The following TOMM70 variants were observed in gnomAD, a reference collection of about 807,000 sequenced individuals.
TOMM70 encodes the protein mitochondrial import receptor subunit TOM70.
TOMM70 carries 13 observed loss-of-function variants against 73.6 expected under a neutral mutation model. That is an observed-to-expected ratio of 0.18 (90% CI 0.11 to 0.28). TOMM70 has a LOEUF of 0.28. Ranked by LOEUF, TOMM70 falls within the 10% of genes least tolerant of loss-of-function variation. The pLI is 1.00. For synonymous variants in TOMM70, 257 were observed against 271.2 expected (o/e 0.95, Z 0.51); for missense variants, 609 against 747.5 (o/e 0.81, Z 2.16).
intron 4 of TOMM70, among the ~76,000 whole-genome samples, 182 bp downstream of exon 4, chr3:100,384,297 T>C (rs938820161): frequency 2.0e-5 from 3 of 152,186 alleles, no homozygotes; most frequent in Admixed American, 2.0e-4. Context: ...GGACAGAGCA[T>C]ATATTCTTAC....
chr3:100,388,822 G>A (rs79748031), intron 1 of TOMM70, among the ~76,000 whole-genome samples: 22,794 of 152,052 alleles, frequency 0.15, 3,155 homozygotes, highest in East Asian at 0.49. Context: ...AATGAAAAAA[G>A]ATTATTACAA....
chr3:100,366,738 TC>T (rs1307885404), intron 11 of TOMM70, among the ~76,000 whole-genome samples: 1 of 152,226 alleles, frequency 6.6e-6, no homozygotes, highest in Non-Finnish European at 1.5e-5. Flanking sequence ...TGAACAAAAT[TC>T]CATCAAACCC....
chr3:100,399,967 G>A (rs1234456394), intron 1 of TOMM70, among the ~76,000 whole-genome samples: 1 of 152,054 alleles, frequency 6.6e-6, no homozygotes, highest in Non-Finnish European at 1.5e-5. Context: ...GCAGCCAAGG[G>A]GGCTTCGGGG....
intron 10 of TOMM70, 123 bp downstream of exon 10, chr3:100,368,915 C>T (rs1253418204): frequency 4.5e-6 from 3 of 661,176 alleles, no homozygotes; most frequent in Non-Finnish European, 7.8e-6. Flanking sequence ...CATCTAGGAG[C>T]ATTAAGAAGT....
chr3:100,386,730 T>G, intron 2 of TOMM70, 75 bp downstream of exon 2: 1 of 1,506,660 alleles, frequency 6.6e-7, no homozygotes, highest in South Asian at 1.3e-5. Flanking sequence ...TAGGTTTATT[T>G]GAGTAGCTTT....
chr3:100,380,463 A>T lies in TOMM70; in HGVS notation c.884+1152T>A, dbSNP rs144978228. On this transcript the variant is annotated intron_variant, in intron 5 of 11. Coordinates refer to ENST00000284320, the MANE Select transcript of TOMM70 (RefSeq NM_014820.5). ...AGCATGATTTCTACACCTCACAATAACCTTGTAAGGTAAATATTACTAGCT... is the reference window on the plus strand; with the variant it reads ...AGCATGATTTCTACACCTCACAATATCCTTGTAAGGTAAATATTACTAGCT... 2.0e-3 allele frequency among the ~76,000 whole-genome samples: 310 copies of T among 152,300 alleles called. 4 individuals carry two copies. Among genetic ancestry groups the T allele is most frequent in the African/African-American group, 7.1e-3 (297 of 41,570 alleles).
At chr3:100,380,887 T>A (rs116415670) in intron 5 of TOMM70, among the ~76,000 whole-genome samples, 1 of 152,286 alleles carries the variant, frequency 6.6e-6, no homozygotes, top group African/African-American at 2.4e-5. Flanking sequence ...CCCTCCAATA[T>A]GCTGAAGATG....
intron 1 of TOMM70, among the ~76,000 whole-genome samples, chr3:100,394,967 A>G (rs982641411): frequency 1.3e-5 from 2 of 152,254 alleles, no homozygotes; most frequent in South Asian, 2.1e-4. Context: ...CTAAATCATA[A>G]TAACTCTTTA....
intron 6 of TOMM70, among the ~76,000 whole-genome samples, chr3:100,376,374 T>TTTTTTTG (rs1706566066): frequency 6.7e-6 from 1 of 148,262 alleles, no homozygotes; most frequent in African/African-American, 2.6e-5. Flanking sequence ...CAGAAGTTTT[T>TTTTTTTG]TTTTTTTTTT....
intron 3 of TOMM70, among the ~76,000 whole-genome samples, chr3:100,384,873 T>C (rs1310777282): frequency 1.3e-5 from 2 of 152,200 alleles, no homozygotes; most frequent in African/African-American, 4.8e-5. Context: ...TCTAACATTC[T>C]CTTCTGGCTA....
intron 7 of TOMM70, among the ~76,000 whole-genome samples, 156 bp downstream of exon 7, chr3:100,374,862 A>T (rs1706545574): frequency 6.6e-6 from 1 of 152,208 alleles, no homozygotes; most frequent in South Asian, 2.1e-4. Context: ...GACAGACTAA[A>T]CAAAGGCCAA....
At chr3:100,366,889 C>G (rs1480063602) in intron 11 of TOMM70, among the ~76,000 whole-genome samples, 1 of 152,198 alleles carries the variant, frequency 6.6e-6, no homozygotes, top group Non-Finnish European at 1.5e-5. Flanking sequence ...TATTCTAGTA[C>G]AAGAATATTT....
intron 1 of TOMM70, among the ~76,000 whole-genome samples, chr3:100,391,173 T>C (rs758474764): frequency 2.6e-5 from 4 of 152,146 alleles, no homozygotes; most frequent in East Asian, 1.9e-4. Flanking sequence ...CAATAATGTA[T>C]AGTACATATA....
rs1430893275 is a variant in TOMM70 at position 100,400,648 on chromosome 3, C to T, written c.302G>A (p.Gly101Asp). The part of the protein sequence containing the change: ...SPAPGSGHPE[G>D]PGAHLDMNSL... ...CACCATGTCCAAGTGAGCACCGGGA[C>T]CTTCAGGGTGTCCGCTGCCCGGGGC... is the stretch of plus-strand genomic sequence containing the variant. The change falls in exon 1 of 12, where the codon GGT (glycine) becomes GAT (aspartate). Residue 101 changes from glycine (G) to aspartate (D), a missense_variant. Around this residue, in one of 2 missense-constraint regions of TOMM70, gnomAD observed 177 missense variants for 163.5 expected, o/e 1.08. Coordinates refer to ENST00000284320, the MANE Select transcript of TOMM70 (RefSeq NM_014820.5). 12 of 1,612,344 alleles carry T rather than the reference C, an allele frequency of 7.4e-6. No homozygotes were observed. Among genetic ancestry groups the T allele is most frequent in the Non-Finnish European group, 1.0e-5 (12 of 1,179,624 alleles).
At chr3:100,391,291 T>C (rs1276698245) in intron 1 of TOMM70, among the ~76,000 whole-genome samples, 1 of 152,180 alleles carries the variant, frequency 6.6e-6, no homozygotes, top group African/African-American at 2.4e-5. Context: ...AAGTTAACTA[T>C]AAAATAGCCT....
intron 6 of TOMM70, among the ~76,000 whole-genome samples, chr3:100,375,757 T>A (rs1467075321): frequency 1.3e-5 from 2 of 152,226 alleles, no homozygotes; most frequent in East Asian, 3.8e-4. Context: ...GAGATTTTGC[T>A]ACGTTACCCA....
chr3:100,381,664 A>G lies in TOMM70; in HGVS notation c.835T>C (p.Ser279Pro). The G allele has an allele frequency of 2.5e-6, 4 of 1,613,232 alleles. No homozygotes were observed. The highest frequency in any genetic ancestry group is 3.4e-6 in the Non-Finnish European group (4 of 1,179,558). The change falls in exon 5 of 12, where the codon TCT becomes CCT. Residue 279 changes from serine (S) to proline (P), a missense_variant. By Grantham distance (74) the Ser-to-Pro change is moderately conservative. This residue lies in a region of TOMM70 where 432 missense variants were observed against 584.1 expected (regional missense o/e 0.74). Transcript: ENST00000284320. ...CCTTCCTTGTCTTTATCTTCATCAG[A>G]TTTCTCTCCTTTAAGCATGGGCTGG... ...ISQPMLKGEK[S>P]DEDKDKEGEA...
At chr3:100,392,155 C>T (rs969248180) in intron 1 of TOMM70, among the ~76,000 whole-genome samples, 1 of 152,164 alleles carries the variant, frequency 6.6e-6, no homozygotes. Flanking sequence ...AGGTTTGTGT[C>T]AGTATACTTG....
At chr3:100,366,265 T>C (rs1706446779) in intron 11 of TOMM70, among the ~76,000 whole-genome samples, 1 of 152,216 alleles carries the variant, frequency 6.6e-6, no homozygotes, top group South Asian at 2.1e-4. Context: ...TGTGAGTTCC[T>C]CACACCTACT....
Sources: gnomAD v4.1 joint callset for allele counts (sites outside exome capture counted in the v4.1 genomes callset) on GRCh38, gnomAD v4.1.1 for gene constraint, gnomAD v4.1.1 regional missense constraint, MANE v1.5 for transcripts, NCBI Gene and HGNC (gene_info 2026-07-23, HGNC 2026-07-21) for gene names.